The following ZC2HC1A variants were observed in gnomAD, a reference collection of about 807,000 sequenced individuals.
ZC2HC1A encodes zinc finger C2HC domain-containing protein 1A.
A neutral mutation model predicts 40.7 loss-of-function variants in ZC2HC1A; 28 were observed. That is an observed-to-expected ratio of 0.69 (90% CI 0.51 to 0.94). The LOEUF is 0.94. Ranked by LOEUF, ZC2HC1A falls within the 40% of genes least tolerant of loss-of-function variation. ZC2HC1A has a pLI of 0.00. For synonymous variants in ZC2HC1A, 129 were observed against 129.2 expected (o/e 1.00, Z 0.01); for missense variants, 389 against 386.3 (o/e 1.01, Z -0.06).
intron 1 of ZC2HC1A, among the ~76,000 whole-genome samples, chr8:78,674,618 A>G (rs1320364433): frequency 6.6e-6 from 1 of 152,174 alleles, no homozygotes; most frequent in Non-Finnish European, 1.5e-5. Flanking sequence ...CTTAACTGCT[A>G]CTACACAACA....
intron 5 of ZC2HC1A, among the ~76,000 whole-genome samples, chr8:78,692,582 T>A (rs750674877): frequency 2.2e-4 from 33 of 152,234 alleles, no homozygotes; most frequent in Non-Finnish European, 4.0e-4. Context: ...AGGGGAGCAG[T>A]AAGGAGGTCT....
At chr8:78,698,890 G>C (rs1331744953) in intron 7 of ZC2HC1A, among the ~76,000 whole-genome samples, 1 of 152,120 alleles carries the variant, frequency 6.6e-6, no homozygotes, top group Non-Finnish European at 1.5e-5. Flanking sequence ...ATAATCAAGA[G>C]AAAAGAAGAT....
At chr8:78,687,600 TTA>T (rs1810040393) in intron 4 of ZC2HC1A, among the ~76,000 whole-genome samples, 1 of 139,234 alleles carries the variant, frequency 7.2e-6, no homozygotes, top group Non-Finnish European at 1.5e-5. Context: ...TTATATATAT[TTA>T]CATAATACAT....
At chr8:78,696,235 T>C (rs368554874) in intron 5 of ZC2HC1A, among the ~76,000 whole-genome samples, 2 of 152,078 alleles carry the variant, frequency 1.3e-5, no homozygotes, top group African/African-American at 2.4e-5. Flanking sequence ...GGGGTTTCAC[T>C]GTGTTAGCCA....
At chr8:78,695,483 T>C (rs1810370393) in intron 5 of ZC2HC1A, among the ~76,000 whole-genome samples, 1 of 152,204 alleles carries the variant, frequency 6.6e-6, no homozygotes, top group African/African-American at 2.4e-5. Context: ...TGCTAATCAT[T>C]TTGCTCTTTT....
intron 7 of ZC2HC1A, among the ~76,000 whole-genome samples, chr8:78,708,900 A>G (rs1265222964): frequency 2.6e-5 from 4 of 152,086 alleles, no homozygotes; most frequent in Admixed American, 2.6e-4. Flanking sequence ...TTCCGACCTC[A>G]AGTGATCCAT....
chr8:78,685,743 G>A (rs906227014), intron 3 of ZC2HC1A: 11 of 151,982 alleles, frequency 7.2e-5, no homozygotes, highest in African/African-American at 1.9e-4. Flanking sequence ...ATTTCTAATC[G>A]GTTCAAAACC....
At chr8:78,716,450 G>A (rs1811107320) in intron 8 of ZC2HC1A, among the ~76,000 whole-genome samples, 2 of 151,954 alleles carry the variant, frequency 1.3e-5, no homozygotes, top group Non-Finnish European at 2.9e-5. Context: ...AGATAATAGA[G>A]ACCTCCCTGT....
intron 4 of ZC2HC1A, among the ~76,000 whole-genome samples, chr8:78,688,231 A>G (rs137964283): frequency 0.02 from 3,001 of 152,022 alleles, 96 homozygotes; most frequent in African/African-American, 0.068. Flanking sequence ...AGATATTTAG[A>G]TATTGTGTCT....
intron 7 of ZC2HC1A, among the ~76,000 whole-genome samples, chr8:78,708,649 C>T (rs867948423): frequency 6.6e-6 from 1 of 150,964 alleles, no homozygotes; most frequent in Admixed American, 6.6e-5. Context: ...GAAAGTTTTT[C>T]CCTTCTTCTA....
At chr8:78,673,843 T>G (rs1809499869) in intron 1 of ZC2HC1A, among the ~76,000 whole-genome samples, 1 of 152,170 alleles carries the variant, frequency 6.6e-6, no homozygotes, top group Non-Finnish European at 1.5e-5. Context: ...AGTAATGACA[T>G]TCTTCTCTAA....
chr8:78,687,472 ATTTATATATAATTATATATG>A (rs1184329751), intron 4 of ZC2HC1A, among the ~76,000 whole-genome samples: 2 of 145,452 alleles, frequency 1.4e-5, no homozygotes, highest in Non-Finnish European at 3.0e-5. Context: ...TTATATATAT[ATTTATATATAATTATATATG>A]TTTATATAAT....
At chr8:78,668,617 A>G (rs1302594591) in intron 1 of ZC2HC1A, among the ~76,000 whole-genome samples, 1 of 152,176 alleles carries the variant, frequency 6.6e-6, no homozygotes, top group Non-Finnish European at 1.5e-5. Flanking sequence ...TGAATAGTCA[A>G]TAGATGAGGT....
In ZC2HC1A at chr8:78,689,204, C is replaced by A. The variant is rs776287698; in HGVS notation, c.353-18C>A. The stretch of plus-strand genomic sequence containing the variant: ...AAGTACTATGCTATTAATCTGTTTC[C>A]GTTTTTATCTGTTATAGATTATATT... On this transcript the variant is annotated intron_variant, in intron 4 of 8. Transcript: ENST00000263849. 1 of 1,446,010 alleles carries A rather than the reference C, an allele frequency of 6.9e-7. No homozygotes were observed. The highest frequency in any genetic ancestry group is 1.6e-5 in the South Asian group (1 of 61,560). The allele number at this position is 1,446,010 out of a possible 1,614,324, so 89.6% of individuals were successfully genotyped here.
intron 1 of ZC2HC1A, among the ~76,000 whole-genome samples, chr8:78,668,186 T>C (rs1468453958): frequency 1.7e-4 from 26 of 152,188 alleles, no homozygotes; most frequent in Non-Finnish European, 2.9e-5. Context: ...CCCTAAGAGA[T>C]CACACCTTGC....
chr8:78,671,711 C>G (rs774489049), intron 1 of ZC2HC1A, among the ~76,000 whole-genome samples: 13 of 152,092 alleles, frequency 8.5e-5, no homozygotes, highest in Non-Finnish European at 1.2e-4. Context: ...AAAGGCTTCT[C>G]TAACAAGGAG....
At chr8:78,680,139 A>G (rs1809721405) in intron 3 of ZC2HC1A, among the ~76,000 whole-genome samples, 1 of 152,164 alleles carries the variant, frequency 6.6e-6, no homozygotes, top group Non-Finnish European at 1.5e-5. Context: ...TAGGGATTAC[A>G]TAAGATTATC....
intron 3 of ZC2HC1A, among the ~76,000 whole-genome samples, chr8:78,681,717 C>T (rs747928832): frequency 1.3e-5 from 2 of 151,978 alleles, no homozygotes; most frequent in African/African-American, 2.4e-5. Context: ...AAATAAATGA[C>T]ATTTTGATTT....
At chr8:78,668,665 G>A (rs952528136) in intron 1 of ZC2HC1A, among the ~76,000 whole-genome samples, 2 of 152,152 alleles carry the variant, frequency 1.3e-5, no homozygotes, top group Admixed American at 6.5e-5. Context: ...TGAAATATAA[G>A]TTATCTGTTT....
Sources: gnomAD v4.1 joint callset for allele counts (sites outside exome capture counted in the v4.1 genomes callset) on GRCh38, gnomAD v4.1.1 for gene constraint, MANE v1.5 for transcripts, NCBI Gene and HGNC (gene_info 2026-07-23, HGNC 2026-07-21) for gene names.